Variants in CCNYL1 observed in about 807,000 individuals in gnomAD.
The protein encoded by CCNYL1 is cyclin-Y-like protein 1.
CCNYL1 carries 16 observed loss-of-function variants against 44.2 expected under a neutral mutation model. The observed-to-expected ratio is 0.36, with a 90% CI of 0.25 to 0.55. The LOEUF is 0.55. Among genes scored for constraint, CCNYL1 ranks in the 20% least tolerant of loss-of-function variants. The pLI, the probability that CCNYL1 is intolerant of heterozygous loss-of-function variation, is 0.85. For synonymous variants in CCNYL1, 159 were observed against 163.2 expected (o/e 0.97, Z 0.20); for missense variants, 348 against 451.8 (o/e 0.77, Z 2.08).
chr2:207,734,765 G>A (rs1056598562), intron 4 of CCNYL1, among the ~76,000 whole-genome samples: 2 of 149,054 alleles, frequency 1.3e-5, no homozygotes, highest in South Asian at 2.3e-4. Flanking sequence ...TGTTTCTAAT[G>A]TACTAGCTTT....
rs1470959370 is a variant in CCNYL1, at chr2:207,711,848, G to A, written c.-49G>A. On this transcript the variant is annotated 5_prime_UTR_variant, in exon 1 of 10. Coordinates refer to ENST00000295414, the MANE Select transcript of CCNYL1 (RefSeq NM_001330218.2). Reference sequence around the variant, plus strand: ...GGAGGGGGCGGCTGTTGAGGGCGGCGGAGTAGGGGGCGAGCGAAGGCGGTG... The same window carrying A: ...GGAGGGGGCGGCTGTTGAGGGCGGCAGAGTAGGGGGCGAGCGAAGGCGGTG... The A allele has an allele frequency of 4.7e-6, 6 of 1,271,756 alleles. No individual in the cohort carries two copies. In the Admixed American group the frequency reaches 2.0e-4, roughly 41 times the overall value. The allele number at this position is 1,271,756 out of a possible 1,614,324, so 78.8% of individuals were successfully genotyped here. A position where few individuals can be genotyped will look rare whatever the true frequency, so the allele number is the denominator to read the frequency against.
intron 6 of CCNYL1, among the ~76,000 whole-genome samples, chr2:207,740,915 G>A (rs2091804032): frequency 6.6e-6 from 1 of 152,260 alleles, no homozygotes. Flanking sequence ...AATGACTATT[G>A]TCTTGGACAG....
intron 1 of CCNYL1, 68 bp downstream of exon 1, chr2:207,712,184 CG>C: frequency 7.3e-7 from 1 of 1,361,756 alleles, no homozygotes; most frequent in Non-Finnish European, 1.0e-6. Context: ...CAGAGTCCCC[CG>C]GGAGGCATCC....
At chr2:207,742,057 A>T (rs539227748) in intron 6 of CCNYL1, among the ~76,000 whole-genome samples, 166 bp from the exon 7 acceptor site, 14 of 151,618 alleles carry the variant, frequency 9.2e-5, no homozygotes, top group Middle Eastern at 3.4e-3. Context: ...AGGCTGAGGC[A>T]GGAGAATCAC....
chr2:207,722,959 C>T (rs1274489529), intron 1 of CCNYL1, among the ~76,000 whole-genome samples: 3 of 145,580 alleles, frequency 2.1e-5, no homozygotes, highest in Admixed American at 6.9e-5. Context: ...ACTCTTCTCT[C>T]GGAAAAAAAA....
chr2:207,740,752 G>T (rs1208143894), intron 6 of CCNYL1, 46 bp downstream of exon 6: 15 of 1,199,636 alleles, frequency 1.3e-5, no homozygotes, highest in Non-Finnish European at 1.7e-5. Context: ...TCATAGAGTT[G>T]TGTTTATTTC....
intron 2 of CCNYL1, among the ~76,000 whole-genome samples, chr2:207,726,552 G>A (rs142921742): frequency 2.2e-4 from 33 of 152,298 alleles, no homozygotes; most frequent in Non-Finnish European, 2.5e-4. Context: ...AAACCTATTA[G>A]CTAAATTTCT....
chr2:207,755,279 C>T lies in CCNYL1; in HGVS notation c.*1581C>T, dbSNP rs1461079876. The T allele has an allele frequency of 6.6e-6, 1 of 152,088 alleles. No individual in the cohort carries two copies. Among genetic ancestry groups the T allele is most frequent in the Non-Finnish European group, 1.5e-5 (1 of 68,042 alleles). The allele number at this position is 152,088 out of a possible 1,614,324, so 9.4% of individuals were successfully genotyped here. On this transcript the variant is annotated 3_prime_UTR_variant, in exon 10 of 10. Coordinates refer to ENST00000295414, the MANE Select transcript of CCNYL1 (RefSeq NM_001330218.2). ...TCTGTAGTCCCAGCCACTCTGGAGG[C>T]TAAGGTGGGAGGATCAGTAGAGCCC...
intron 1 of CCNYL1, among the ~76,000 whole-genome samples, chr2:207,723,451 T>G (rs1216515520): frequency 1.6e-4 from 24 of 152,242 alleles, no homozygotes; most frequent in Admixed American, 1.6e-3. Flanking sequence ...TATTGTCATT[T>G]GACCACTAAA....
rs2091928871 is a variant in CCNYL1 at position 207,755,945 on chromosome 2, T to C, written c.*2247T>C. The C allele has an allele frequency of 6.6e-6, 1 of 151,166 alleles. No individual in the cohort carries two copies. Among genetic ancestry groups the C allele is most frequent in the Admixed American group, 6.6e-5 (1 of 15,252 alleles). 9.4% of individuals were successfully genotyped at this position (151,166 alleles called of 1,614,324 possible). A position where few individuals can be genotyped will look rare whatever the true frequency, so the allele number is the denominator to read the frequency against. On this transcript the variant is annotated 3_prime_UTR_variant, in exon 10 of 10. Transcript: ENST00000295414. ...TCTATTATAGCAATGCTTCACATCA[T>C]ATTGTGCTGCAGTTTCCATCATTTT...
chr2:207,739,640 C>T (rs537570516), intron 5 of CCNYL1, among the ~76,000 whole-genome samples: 3 of 152,298 alleles, frequency 2.0e-5, no homozygotes, highest in African/African-American at 7.2e-5. Flanking sequence ...TTTTCCTTAA[C>T]ACAACTCTAC....
intron 1 of CCNYL1, chr2:207,714,493 A>G (rs1274855350): frequency 3.1e-6 from 1 of 320,604 alleles, no homozygotes; most frequent in Non-Finnish European, 6.1e-6. Flanking sequence ...ATTTCAGTGG[A>G]TAAGAATAAA....
chr2:207,715,044 C>T (rs1035772287), intron 1 of CCNYL1, among the ~76,000 whole-genome samples: 2 of 152,020 alleles, frequency 1.3e-5, no homozygotes, highest in East Asian at 1.9e-4. Flanking sequence ...CTGAGGTGGG[C>T]GGATCACGAG....
chr2:207,747,255 A>T, intron 8 of CCNYL1, 42 bp downstream of exon 8: 1 of 1,551,714 alleles, frequency 6.4e-7, no homozygotes, highest in African/African-American at 1.4e-5. Flanking sequence ...ACCATTTTCC[A>T]GTATCTTATT....
chr2:207,739,654 G>A (rs1044466845), intron 5 of CCNYL1, among the ~76,000 whole-genome samples: 1 of 152,078 alleles, frequency 6.6e-6, no homozygotes, highest in African/African-American at 2.4e-5. Context: ...ACTCTACCTC[G>A]GTATGCAGAA....
chr2:207,720,899 T>G (rs547230124), intron 1 of CCNYL1, among the ~76,000 whole-genome samples: 1 of 152,200 alleles, frequency 6.6e-6, no homozygotes, highest in South Asian at 2.1e-4. Flanking sequence ...GAGCAGTGTT[T>G]CGGAAACCAG....
At chr2:207,713,608 C>T (rs367578697) in intron 1 of CCNYL1, among the ~76,000 whole-genome samples, 2 of 152,136 alleles carry the variant, frequency 1.3e-5, no homozygotes, top group South Asian at 2.1e-4. Flanking sequence ...ATGTTTAAAT[C>T]CAGTGGGCTC....
chr2:207,733,910 T>TA, intron 3 of CCNYL1, 37 bp from the exon 4 acceptor site: 1 of 1,329,384 alleles, frequency 7.5e-7, no homozygotes, highest in South Asian at 1.2e-5. Context: ...AGGTTTAACT[T>TA]ACTGTGACAT....
chr2:207,715,223 G>T (rs1023473596), intron 1 of CCNYL1, among the ~76,000 whole-genome samples: 1 of 152,028 alleles, frequency 6.6e-6, no homozygotes. Flanking sequence ...AGCTGAGATC[G>T]TGCCACTGCA....
Sources: gnomAD v4.1 joint callset for allele counts (sites outside exome capture counted in the v4.1 genomes callset) on GRCh38, gnomAD v4.1.1 for gene constraint, MANE v1.5 for transcripts, NCBI Gene and HGNC (gene_info 2026-07-23, HGNC 2026-07-21) for gene names.